ANKRD10: variants seen among roughly 807,000 people sequenced by gnomAD.
ANKRD10 encodes the protein ankyrin repeat domain-containing protein 10.
In ANKRD10, 14 loss-of-function variants were observed where a neutral mutation model predicts 27.0. The observed-to-expected ratio is 0.52, with a 90% CI of 0.34 to 0.81. The LOEUF (loss-of-function observed/expected upper bound fraction) is 0.81, where lower values mean the gene tolerates loss of function less well. ANKRD10 is among the 40% of genes least tolerant of loss of function. The probability of loss-of-function intolerance (pLI) is 0.01; values close to 1 mark genes in which losing one functional copy is unlikely to be tolerated. For synonymous variants in ANKRD10, 250 were observed against 224.5 expected (o/e 1.11, Z -1.01); for missense variants, 493 against 544.0 (o/e 0.91, Z 0.93).
At chr13:110,892,892 G>A (rs1055982668) in intron 4 of ANKRD10, 136 bp downstream of exon 4, 4 of 1,449,380 alleles carry the variant, frequency 2.8e-6, no homozygotes, top group South Asian at 1.5e-5. Context: ...AATCTCCACC[G>A]TCACCGCACA....
chr13:110,880,250 T>A, intron 5 of ANKRD10, 138 bp from the exon 6 acceptor site: 1 of 746,848 alleles, frequency 1.3e-6, no homozygotes, highest in Non-Finnish European at 2.1e-6. Context: ...TTTTTCAAAG[T>A]AAAATCAATG....
At chr13:110,913,989 G>C (rs567978411) in intron 1 of ANKRD10, among the ~76,000 whole-genome samples, 1 of 152,178 alleles carries the variant, frequency 6.6e-6, no homozygotes, top group Non-Finnish European at 1.5e-5. Context: ...AAGCCTCCAC[G>C]GGAAGAGAAT....
chr13:110,887,389 A>C (rs2064960261), intron 4 of ANKRD10, among the ~76,000 whole-genome samples: 1 of 152,204 alleles, frequency 6.6e-6, no homozygotes, highest in Non-Finnish European at 1.5e-5. Context: ...ACAGAGGCTT[A>C]TGGGAGTGCT....
At chr13:110,914,642 A>G (rs59070384) in intron 1 of ANKRD10, 83 bp downstream of exon 1, 911,117 of 1,460,412 alleles carry the variant, frequency 0.62, 289,038 homozygotes, top group Middle Eastern at 0.69. Context: ...GGCACGCCCC[A>G]CGTCCCCCGC....
In ANKRD10 at chr13:110,879,767, T is replaced by G; in HGVS notation, c.1133A>C (p.His378Pro). The G allele has an allele frequency of 6.2e-7, 1 of 1,614,240 alleles. No homozygotes were observed. The highest frequency in any genetic ancestry group is 1.1e-5 in the South Asian group (1 of 91,088). Reference protein sequence around the residue: ...IGDNLYYGHYHGFGDTAESIP... With the variant: ...IGDNLYYGHYPGFGDTAESIP... ...GCTTTCAGCAGTGTCCCCAAACCCG[T>G]GGTAGTGTCCATAGTACAGGTTATC... is the stretch of plus-strand genomic sequence containing the variant. Residue 378 changes from histidine (H) to proline (P), a missense_variant, in exon 6 of 6, where the codon CAC becomes CCC. Coordinates refer to ENST00000267339, the MANE Select transcript of ANKRD10 (RefSeq NM_017664.4).
chr13:110,892,946 A>G (rs2065122270), intron 4 of ANKRD10, 82 bp downstream of exon 4: 1 of 1,551,754 alleles, frequency 6.4e-7, no homozygotes, highest in Admixed American at 1.9e-5. Context: ...TCTCATCTCG[A>G]AGGTGCGCTC....
intron 5 of ANKRD10, 124 bp from the exon 6 acceptor site, chr13:110,880,236 TTC>T: frequency 2.4e-6 from 2 of 836,476 alleles, no homozygotes; most frequent in South Asian, 1.9e-5. Flanking sequence ...TTTAAACCAG[TTC>T]TTTTTTCAAA....
intron 3 of ANKRD10, chr13:110,905,055 G>A (rs917702397): frequency 3.3e-5 from 5 of 152,132 alleles, no homozygotes; most frequent in African/African-American, 1.2e-4. Flanking sequence ...TTCCTCCGAA[G>A]TCTAAATGTT....
intron 4 of ANKRD10, among the ~76,000 whole-genome samples, chr13:110,888,894 G>A (rs2065003963): frequency 6.6e-6 from 1 of 152,216 alleles, no homozygotes; most frequent in Non-Finnish European, 1.5e-5. Context: ...AAGTCAGTTT[G>A]ACACTTGAGA....
At chr13:110,884,223 A>T (rs1248856090) in intron 4 of ANKRD10, among the ~76,000 whole-genome samples, 1 of 152,210 alleles carries the variant, frequency 6.6e-6, no homozygotes, top group Non-Finnish European at 1.5e-5. Context: ...TAACAAAAAA[A>T]ATAATGTAAA....
Position 110,906,365 on chromosome 13 carries a change from C to T in ANKRD10, c.364-241G>A, listed in dbSNP as rs544494911. 2.6e-5 allele frequency among the ~76,000 whole-genome samples: 4 copies of T among 152,166 alleles called. No homozygotes were observed. The South Asian group carries it at 8.3e-4, about 32-fold the overall frequency. ...CTTGGGGCCTCTCCAGTAGTGACAG[C>T]GTGATTGCTCTCAACAGTGATTTAT... On this transcript the variant is annotated intron_variant, in intron 2 of 5. Transcript: ENST00000267339.
At chr13:110,905,138 A>C (rs2065493897) in intron 3 of ANKRD10, 1 of 152,246 alleles carries the variant, frequency 6.6e-6, no homozygotes, top group South Asian at 2.1e-4. Flanking sequence ...AGGTAAAACA[A>C]AAAAGCTGAT....
intron 2 of ANKRD10, among the ~76,000 whole-genome samples, chr13:110,906,555 T>C (rs2065542676): frequency 6.6e-6 from 1 of 152,190 alleles, no homozygotes. Context: ...CCCACTTTCC[T>C]CTGTGCCTAC....
At chr13:110,893,585 CTA>C (rs2065141157) in intron 3 of ANKRD10, among the ~76,000 whole-genome samples, 1 of 152,194 alleles carries the variant, frequency 6.6e-6, no homozygotes, top group Non-Finnish European at 1.5e-5. Flanking sequence ...AAACTGAATT[CTA>C]TATTATATGC....
chr13:110,891,033 C>T (rs1312933194), intron 4 of ANKRD10, among the ~76,000 whole-genome samples: 2 of 152,124 alleles, frequency 1.3e-5, no homozygotes, highest in East Asian at 1.9e-4. Flanking sequence ...ACTAGTTTTA[C>T]GAACTCTTCT....
intron 2 of ANKRD10, among the ~76,000 whole-genome samples, chr13:110,908,698 T>C (rs2065606524): frequency 6.6e-6 from 1 of 152,154 alleles, no homozygotes; most frequent in Non-Finnish European, 1.5e-5. Context: ...AAAAGGGCTA[T>C]TGTGTCCTCT....
chr13:110,897,072 T>A (rs2065245391), intron 3 of ANKRD10, among the ~76,000 whole-genome samples: 1 of 152,156 alleles, frequency 6.6e-6, no homozygotes, highest in African/African-American at 2.4e-5. Context: ...AATAAAAAAT[T>A]ACTGTTAGTC....
At chr13:110,901,828 C>A (rs993449663) in intron 3 of ANKRD10, among the ~76,000 whole-genome samples, 3 of 152,082 alleles carry the variant, frequency 2.0e-5, no homozygotes, top group African/African-American at 7.2e-5. Context: ...ACTGCTTGAG[C>A]CCAGGAGTTT....
intron 3 of ANKRD10, among the ~76,000 whole-genome samples, chr13:110,896,079 C>G (rs1203436975): frequency 1.3e-5 from 2 of 152,218 alleles, no homozygotes; most frequent in Admixed American, 1.3e-4. Flanking sequence ...CAAACAACTT[C>G]TAGCATCTCA....
Sources: allele counts gnomAD v4.1 joint callset (sites outside exome capture counted in the v4.1 genomes callset), GRCh38; gene constraint gnomAD v4.1.1; transcripts MANE v1.5; gene names NCBI Gene and HGNC (gene_info 2026-07-23, HGNC 2026-07-21).